Variants in GAN observed in about 807,000 individuals in gnomAD.
The protein encoded by GAN is gigaxonin.
GAN carries 48 observed loss-of-function variants against 71.3 expected under a neutral mutation model. The ratio of observed to expected loss-of-function variants is 0.67; its 90% confidence interval spans 0.53 to 0.86. The LOEUF is 0.86. Ranked by LOEUF, GAN falls within the 40% of genes least tolerant of loss-of-function variation. The pLI, the probability that GAN is intolerant of heterozygous loss-of-function variation, is 0.00. For missense variants in GAN, 928 were observed against 770.1 expected (o/e 1.21, Z -2.43); for synonymous variants, 386 against 276.8 (o/e 1.39, Z -3.92).
chr16:81,316,779 C>G (rs1909057344), intron 1 of GAN, among the ~76,000 whole-genome samples: 1 of 152,224 alleles, frequency 6.6e-6, no homozygotes, highest in Admixed American at 6.5e-5. Context: ...ATAGCACTTA[C>G]CACTTTGACG....
At chr16:81,329,250 G>A (rs892857628) in intron 1 of GAN, among the ~76,000 whole-genome samples, 6 of 151,716 alleles carry the variant, frequency 4.0e-5, no homozygotes, top group African/African-American at 9.7e-5. Context: ...AGTGCCTGGC[G>A]TGTAGGAGAT....
At chr16:81,360,195 A>G (rs981104140) in intron 5 of GAN, among the ~76,000 whole-genome samples, 1 of 152,188 alleles carries the variant, frequency 6.6e-6, no homozygotes. Flanking sequence ...CTTTCCACCT[A>G]GGATCATCTC....
rs879254174 is a variant in GAN, at chr16:81,364,996, A to C, written c.1259A>C (p.Lys420Thr). Residue 420 changes from lysine to threonine, a missense_variant, in exon 8 of 11, where the codon AAA (lysine) becomes ACA (threonine). Physicochemically the swap from Lys to Thr is moderately conservative, Grantham distance 78. Coordinates refer to ENST00000648994, the MANE Select transcript of GAN (RefSeq NM_022041.4). ...CAGATCGGCTGCTATGCAGCTATGAAAAAGAAAATCTACGCCATGGGTGGA... is the reference window on the plus strand; with the variant it reads ...CAGATCGGCTGCTATGCAGCTATGACAAAGAAAATCTACGCCATGGGTGGA... ...VRKIGCYAAMKKKIYAMGGGS... is the reference protein window; with the variant it reads ...VRKIGCYAAMTKKIYAMGGGS... 4 of 1,614,092 alleles carry C rather than the reference A, an allele frequency of 2.5e-6. No homozygotes were observed. Among genetic ancestry groups the C allele is most frequent in the Non-Finnish European group, 3.4e-6 (4 of 1,179,974 alleles).
intron 9 of GAN, among the ~76,000 whole-genome samples, chr16:81,374,226 A>T (rs77467240): frequency 0.019 from 2,956 of 152,354 alleles, 115 homozygotes; most frequent in African/African-American, 0.068. Context: ...ATCAGGGAGA[A>T]CACGTTGATG....
chr16:81,352,127 A>G (rs1371579541), intron 2 of GAN, among the ~76,000 whole-genome samples: 2 of 152,142 alleles, frequency 1.3e-5, no homozygotes, highest in East Asian at 1.9e-4. Context: ...ATTATTTGGT[A>G]GAAATAGAGA....
rs1170929234 is a variant in GAN, at chr16:81,364,025, T to A, written c.1236+82T>A. 5 of 1,052,074 alleles carry A rather than the reference T, an allele frequency of 4.8e-6. No individual in the cohort carries two copies. The East Asian group carries it at 9.4e-5, about 20-fold the overall frequency. 65.2% of individuals were successfully genotyped at this position (1,052,074 alleles called of 1,614,324 possible). A position where few individuals can be genotyped will look rare whatever the true frequency, so the allele number is the denominator to read the frequency against. On this transcript the variant is annotated intron_variant, in intron 7 of 10. Coordinates refer to ENST00000648994, the MANE Select transcript of GAN (RefSeq NM_022041.4). Reference sequence around the variant, plus strand: ...TGTGTCTTCATATCCTGAATAAACCTTTAATATAACTGATGGTGTTAAAAG... The same window carrying A: ...TGTGTCTTCATATCCTGAATAAACCATTAATATAACTGATGGTGTTAAAAG...
intron 1 of GAN, among the ~76,000 whole-genome samples, chr16:81,333,197 A>T (rs902863554): frequency 4.0e-5 from 6 of 149,366 alleles, no homozygotes; most frequent in Non-Finnish European, 7.4e-5. Flanking sequence ...AGCTGAGATC[A>T]CGCCACTCCA....
chr16:81,341,164 T>C (rs571826673), intron 1 of GAN, among the ~76,000 whole-genome samples: 3 of 152,110 alleles, frequency 2.0e-5, no homozygotes, highest in African/African-American at 7.2e-5. Context: ...AAATCTACAT[T>C]TGTTTGGTGT....
At chr16:81,371,565 C>T (rs949873604) in intron 9 of GAN, among the ~76,000 whole-genome samples, 1 of 152,166 alleles carries the variant, frequency 6.6e-6, no homozygotes, top group Non-Finnish European at 1.5e-5. Context: ...CGGTCATAAG[C>T]ATAGATGGTT....
chr16:81,355,416 C>G (rs1323951822), intron 3 of GAN, among the ~76,000 whole-genome samples: 2 of 152,166 alleles, frequency 1.3e-5, no homozygotes, highest in Non-Finnish European at 2.9e-5. Flanking sequence ...AGGGCAGTAG[C>G]CAGAGTGGCA....
intron 1 of GAN, among the ~76,000 whole-genome samples, chr16:81,332,068 G>A (rs1909597104): frequency 6.6e-6 from 1 of 152,042 alleles, no homozygotes; most frequent in Admixed American, 6.5e-5. Context: ...GGCTGAGGCA[G>A]GAGAATCGCT....
chr16:81,370,511 T>C (rs1042565994), intron 9 of GAN, among the ~76,000 whole-genome samples: 12 of 152,390 alleles, frequency 7.9e-5, no homozygotes, highest in African/African-American at 2.6e-4. Context: ...CTGCTACCTT[T>C]AGGGCAGAGG....
chr16:81,345,162 A>G (rs1169925263), intron 1 of GAN, among the ~76,000 whole-genome samples: 1 of 152,252 alleles, frequency 6.6e-6, no homozygotes, highest in Admixed American at 6.5e-5. Flanking sequence ...GGTAGTGTAA[A>G]TTAGTTCAAC....
At chr16:81,335,162 G>A (rs1255503057) in intron 1 of GAN, among the ~76,000 whole-genome samples, 1 of 92,238 alleles carries the variant, frequency 1.1e-5, no homozygotes, top group East Asian at 4.0e-4. Flanking sequence ...GGGGGGAGGG[G>A]TGTTCCAGGC....
chr16:81,366,917 C>T (rs148971869), intron 9 of GAN, among the ~76,000 whole-genome samples: 6 of 152,172 alleles, frequency 3.9e-5, no homozygotes, highest in South Asian at 2.1e-4. Context: ...ATCTGCCTCC[C>T]GGGTTCAAGC....
rs1211156849 is a variant in GAN at position 81,387,018 on chromosome 16, T to G, written c.*9422T>G. The G allele has an allele frequency of 6.6e-6, 1 of 152,228 alleles. No homozygotes were observed. The highest frequency in any genetic ancestry group is 2.4e-5 in the African/African-American group (1 of 41,458). 9.4% of individuals were successfully genotyped at this position (152,228 alleles called of 1,614,324 possible). The stretch of plus-strand genomic sequence containing the variant: ...CGAGAAGTCGGCTGAATAGCCAGGT[T>G]CAGACAGTGTTGGCAAGAACGGATC... On this transcript the variant is annotated 3_prime_UTR_variant, in exon 11 of 11. Coordinates refer to ENST00000648994, the MANE Select transcript of GAN (RefSeq NM_022041.4).
intron 9 of GAN, among the ~76,000 whole-genome samples, 162 bp downstream of exon 9, chr16:81,365,640 CT>C (rs1461423102): frequency 1.3e-5 from 2 of 150,094 alleles, no homozygotes; most frequent in African/African-American, 2.5e-5. Context: ...TTCACAAGTG[CT>C]AGTAACTTAA....
intron 5 of GAN, among the ~76,000 whole-genome samples, chr16:81,359,478 C>A (rs192129940): frequency 6.7e-6 from 1 of 148,270 alleles, no homozygotes; most frequent in African/African-American, 2.5e-5. Context: ...TTCTTCTCTA[C>A]CAGTTTGGGA....
At chr16:81,354,992 C>T (rs1597401867) in intron 3 of GAN, among the ~76,000 whole-genome samples, 2 of 152,200 alleles carry the variant, frequency 1.3e-5, no homozygotes, top group East Asian at 3.9e-4. Context: ...AGCGTAATAT[C>T]CTTTGTATGT....
Sources: gnomAD v4.1 joint callset for allele counts (sites outside exome capture counted in the v4.1 genomes callset) on GRCh38, gnomAD v4.1.1 for gene constraint, MANE v1.5 for transcripts, NCBI Gene and HGNC (gene_info 2026-07-23, HGNC 2026-07-21) for gene names.